UNC13C: variants seen among roughly 807,000 people sequenced by gnomAD.
UNC13C encodes the protein protein unc-13 homolog C.
A neutral mutation model predicts 245.4 loss-of-function variants in UNC13C; 174 were observed. The ratio of observed to expected loss-of-function variants is 0.71; its 90% CI spans 0.63 to 0.80. The LOEUF (loss-of-function observed/expected upper bound fraction) is 0.80. UNC13C is among the 30% of genes least tolerant of loss of function. The pLI is 0.00. For missense variants in UNC13C, 2,829 were observed against 2,602.9 expected (o/e 1.09, Z -1.89); for synonymous variants, 992 against 895.1 (o/e 1.11, Z -1.93).
chr15:54,011,550 A>G (rs1376749727), intron 1 of UNC13C, among the ~76,000 whole-genome samples: 4 of 152,220 alleles, frequency 2.6e-5, no homozygotes, highest in Non-Finnish European at 5.9e-5. Flanking sequence ...GTCACATAGG[A>G]GTATAAAAAA....
chr15:54,222,314 A>C (rs1228069290), intron 4 of UNC13C, among the ~76,000 whole-genome samples: 1 of 151,530 alleles, frequency 6.6e-6, no homozygotes, highest in Non-Finnish European at 1.5e-5. Context: ...AATTGTTTTG[A>C]TTTTTAGCTC....
intron 1 of UNC13C, among the ~76,000 whole-genome samples, chr15:54,011,167 T>C (rs1048194569): frequency 6.6e-6 from 1 of 151,966 alleles, no homozygotes; most frequent in Admixed American, 6.6e-5. Context: ...TAACAGGTTG[T>C]TCTCTGTGGT....
intron 4 of UNC13C, among the ~76,000 whole-genome samples, chr15:54,216,800 C>T (rs2035053775): frequency 6.6e-6 from 1 of 151,878 alleles, no homozygotes; most frequent in African/African-American, 2.4e-5. Context: ...TGTTGTTCCG[C>T]TGAGGGTAAT....
chr15:54,585,436 C>A (rs1029582646), intron 30 of UNC13C, among the ~76,000 whole-genome samples: 1 of 152,148 alleles, frequency 6.6e-6, no homozygotes, highest in African/African-American at 2.4e-5. Context: ...TGGTGCTGTG[C>A]TTCTTGGGCA....
In UNC13C at chr15:54,274,726, C is replaced by T. The variant is rs866152336; in HGVS notation, c.3818+9230C>T. Among the ~76,000 whole-genome samples, 5 of 123,306 alleles carry T rather than the reference C, an allele frequency of 4.1e-5. No homozygotes were observed. The Middle Eastern group carries it at 0.025, about 617-fold the overall frequency. The allele number at this position is 123,306 out of a possible 152,430, so 80.9% of individuals were successfully genotyped here. A position where few individuals can be genotyped will look rare whatever the true frequency, so the allele number is the denominator to read the frequency against. Reference sequence around the variant, plus strand: ...TCGCTCTGTCGCCCAGGCTGGGGTGCAGTGGCGCGATCTCGGCTCAATGCA... The same window carrying T: ...TCGCTCTGTCGCCCAGGCTGGGGTGTAGTGGCGCGATCTCGGCTCAATGCA... On this transcript the variant is annotated intron_variant, in intron 10 of 32. Transcript: ENST00000260323.
At chr15:54,521,295 G>C (rs1222709141) in intron 24 of UNC13C, among the ~76,000 whole-genome samples, 1 of 152,074 alleles carries the variant, frequency 6.6e-6, no homozygotes, top group Non-Finnish European at 1.5e-5. Flanking sequence ...GAAAATAACC[G>C]ATAACACTGA....
At chr15:54,106,017 G>C (rs1443151344) in intron 2 of UNC13C, among the ~76,000 whole-genome samples, 1 of 152,158 alleles carries the variant, frequency 6.6e-6, no homozygotes, top group African/African-American at 2.4e-5. Context: ...TCTTCTTGGA[G>C]TTTGAAAGAC....
chr15:54,373,441 G>A (rs1329366635), intron 17 of UNC13C, among the ~76,000 whole-genome samples: 1 of 152,148 alleles, frequency 6.6e-6, no homozygotes, highest in African/African-American at 2.4e-5. Context: ...GGGTGTATGA[G>A]TGAGCAAGCA....
intron 4 of UNC13C, among the ~76,000 whole-genome samples, chr15:54,178,123 TA>T (rs2033677155): frequency 6.6e-6 from 1 of 152,154 alleles, no homozygotes; most frequent in Non-Finnish European, 1.5e-5. Flanking sequence ...TCAGCTACAG[TA>T]AATCAAGTGT....
chr15:54,595,061 A>T (rs1290069850), intron 30 of UNC13C, among the ~76,000 whole-genome samples: 1 of 152,246 alleles, frequency 6.6e-6, no homozygotes, highest in Non-Finnish European at 1.5e-5. Context: ...GATAAGATGT[A>T]TAGCAGTGGT....
At chr15:54,379,667 T>G (rs2039679058) in intron 17 of UNC13C, among the ~76,000 whole-genome samples, 1 of 152,090 alleles carries the variant, frequency 6.6e-6, no homozygotes, top group East Asian at 1.9e-4. Context: ...TCAACTGTAT[T>G]TCTATCAAGC....
intron 2 of UNC13C, among the ~76,000 whole-genome samples, chr15:54,053,252 G>A (rs1042008327): frequency 2.0e-5 from 3 of 151,846 alleles, no homozygotes; most frequent in South Asian, 2.1e-4. Context: ...GGCTGGTCTC[G>A]AACTCCTGAC....
intron 2 of UNC13C, among the ~76,000 whole-genome samples, chr15:54,085,511 G>A (rs1255723595): frequency 6.6e-6 from 1 of 152,160 alleles, no homozygotes; most frequent in Non-Finnish European, 1.5e-5. Context: ...TGTATTGTCA[G>A]TGCCCAGAAG....
At chr15:54,612,147 G>C (rs1396818449) in intron 30 of UNC13C, among the ~76,000 whole-genome samples, 4 of 151,968 alleles carry the variant, frequency 2.6e-5, no homozygotes, top group Non-Finnish European at 5.9e-5. Flanking sequence ...TACCCAAGTT[G>C]CTTTCCACCT....
At chr15:54,527,149 T>A (rs1480332179) in intron 25 of UNC13C, among the ~76,000 whole-genome samples, 1 of 152,172 alleles carries the variant, frequency 6.6e-6, no homozygotes, top group Non-Finnish European at 1.5e-5. Context: ...TTCACCGGGA[T>A]GTTAGTCAGC....
At chr15:54,203,701 C>CAT (rs1049814311) in intron 4 of UNC13C, among the ~76,000 whole-genome samples, 8 of 142,738 alleles carry the variant, frequency 5.6e-5, no homozygotes, top group African/African-American at 2.0e-4. Context: ...GGCATTTATA[C>CAT]ATATATGTAT....
intron 29 of UNC13C, among the ~76,000 whole-genome samples, chr15:54,564,611 A>T (rs575254278): frequency 6.6e-6 from 1 of 152,158 alleles, no homozygotes; most frequent in Non-Finnish European, 1.5e-5. Context: ...GTTCAGTGAC[A>T]TTCTTCTGTT....
At chr15:54,437,806 T>C (rs761344567) in intron 19 of UNC13C, among the ~76,000 whole-genome samples, 8 of 151,906 alleles carry the variant, frequency 5.3e-5, no homozygotes, top group Non-Finnish European at 1.0e-4. Context: ...CTCCTATACA[T>C]TTTATAGGAT....
intron 4 of UNC13C, among the ~76,000 whole-genome samples, chr15:54,233,947 T>A (rs1312221317): frequency 2.0e-5 from 3 of 152,210 alleles, no homozygotes; most frequent in Non-Finnish European, 2.9e-5. Context: ...TAGCATCTTG[T>A]TGGTTATATT....
Sources: allele counts gnomAD v4.1 joint callset (sites outside exome capture counted in the v4.1 genomes callset), GRCh38; gene constraint gnomAD v4.1.1; transcripts MANE v1.5; gene names NCBI Gene and HGNC (gene_info 2026-07-23, HGNC 2026-07-21).